The following LRFN5 variants were observed in gnomAD, a reference collection of about 807,000 sequenced individuals.
The protein encoded by LRFN5 is leucine-rich repeat and fibronectin type-III domain-containing protein 5.
In LRFN5, 24 loss-of-function variants were observed where a neutral mutation model predicts 45.6. The ratio of observed to expected loss-of-function variants is 0.53; its 90% CI spans 0.38 to 0.74. The LOEUF (loss-of-function observed/expected upper bound fraction) is 0.74, where lower values mean the gene tolerates loss of function less well. LRFN5 is among the 30% of genes least tolerant of loss of function. The probability of loss-of-function intolerance (pLI) is 0.00; values close to 1 mark genes in which losing one functional copy is unlikely to be tolerated. For synonymous variants in LRFN5, 340 were observed against 313.8 expected, an observed-to-expected ratio of 1.08 and a Z score of -0.88; for missense variants, 776 against 861.5, an observed-to-expected ratio of 0.90 and a Z score of 1.24.
chr14:41,880,114 A>T (rs1037740741), intron 2 of LRFN5, among the ~76,000 whole-genome samples: 2 of 151,026 alleles, frequency 1.3e-5, no homozygotes, highest in African/African-American at 4.9e-5. Context: ...TTTTTAGTAG[A>T]GATGGGGTTT....
In LRFN5 at chr14:41,760,378, G is replaced by T. The variant is rs149394807; in HGVS notation, c.-196-6476G>T. Among the ~76,000 whole-genome samples, 10 of 152,204 alleles carry T rather than the reference G, an allele frequency of 6.6e-5. No individual in the cohort carries two copies. In the East Asian group the frequency reaches 1.9e-3, roughly 29 times the overall value. On this transcript the variant is annotated intron_variant, in intron 1 of 5. Coordinates refer to ENST00000298119, the MANE Select transcript of LRFN5 (RefSeq NM_152447.5). ...GCTGTGATTACAGGCATGTGTCACT[G>T]TGCCTTGCTTCTATTATATCTAATT...
intron 5 of LRFN5, among the ~76,000 whole-genome samples, chr14:41,903,358 T>C (rs1555331196): frequency 6.6e-6 from 1 of 151,322 alleles, no homozygotes; most frequent in Non-Finnish European, 1.5e-5. Flanking sequence ...AATTCCCAAA[T>C]AAAAAATTGT....
chr14:41,615,032 C>T (rs1323405261), intron 1 of LRFN5, among the ~76,000 whole-genome samples: 1 of 152,012 alleles, frequency 6.6e-6, no homozygotes, highest in Non-Finnish European at 1.5e-5. Context: ...ATTTCTAATA[C>T]TCTGGAGAAT....
chr14:41,662,254 A>T (rs1306035246), intron 1 of LRFN5, among the ~76,000 whole-genome samples: 1 of 152,100 alleles, frequency 6.6e-6, no homozygotes, highest in Non-Finnish European at 1.5e-5. Context: ...GTAGTTAGTT[A>T]TTCATGACAT....
chr14:41,693,394 C>T (rs1882467109), intron 1 of LRFN5, among the ~76,000 whole-genome samples: 1 of 151,980 alleles, frequency 6.6e-6, no homozygotes, highest in Non-Finnish European at 1.5e-5. Flanking sequence ...ATTATGGGAC[C>T]TTTCATTGAC....
At chr14:41,790,666 T>C (rs917923619) in intron 2 of LRFN5, among the ~76,000 whole-genome samples, 1 of 151,672 alleles carries the variant, frequency 6.6e-6, no homozygotes, top group Non-Finnish European at 1.5e-5. Context: ...ATATTCTGAT[T>C]TATAAAAAAG....
chr14:41,648,743 G>A (rs750657665), intron 1 of LRFN5, among the ~76,000 whole-genome samples: 8 of 151,456 alleles, frequency 5.3e-5, no homozygotes, highest in South Asian at 2.1e-4. Flanking sequence ...CCTCCACTCC[G>A]CCCTCCCCTT....
intron 1 of LRFN5, among the ~76,000 whole-genome samples, chr14:41,694,836 C>T (rs1882534501): frequency 6.6e-6 from 1 of 151,822 alleles, no homozygotes; most frequent in African/African-American, 2.4e-5. Flanking sequence ...CATTCCCATA[C>T]AAGATAAGGC....
At chr14:41,612,406 T>G (rs1433768183) in intron 1 of LRFN5, among the ~76,000 whole-genome samples, 1 of 152,154 alleles carries the variant, frequency 6.6e-6, no homozygotes, top group East Asian at 1.9e-4. Context: ...TATTTTCTGT[T>G]TACTTAAAAA....
At chr14:41,751,631 G>C (rs1885136056) in intron 1 of LRFN5, among the ~76,000 whole-genome samples, 1 of 152,052 alleles carries the variant, frequency 6.6e-6, no homozygotes, top group Non-Finnish European at 1.5e-5. Flanking sequence ...AGGATGCAGA[G>C]AAGTCAGTTT....
chr14:41,820,780 A>G (rs760353029), intron 2 of LRFN5, among the ~76,000 whole-genome samples: 4 of 151,826 alleles, frequency 2.6e-5, no homozygotes, highest in Admixed American at 2.6e-4. Context: ...TGTTTGTATC[A>G]TCTACAATTT....
intron 2 of LRFN5, among the ~76,000 whole-genome samples, chr14:41,836,022 A>G (rs949967333): frequency 1.3e-5 from 2 of 152,048 alleles, no homozygotes; most frequent in African/African-American, 2.4e-5. Context: ...TCTCTTAAAG[A>G]GAGAAATCTC....
chr14:41,717,962 T>C (rs1051222685), intron 1 of LRFN5, among the ~76,000 whole-genome samples: 2 of 152,164 alleles, frequency 1.3e-5, no homozygotes, highest in Admixed American at 1.3e-4. Context: ...ATAAGTATGC[T>C]TCTCATTTTT....
intron 2 of LRFN5, among the ~76,000 whole-genome samples, chr14:41,776,762 G>A (rs1886307315): frequency 6.6e-6 from 1 of 151,958 alleles, no homozygotes; most frequent in Non-Finnish European, 1.5e-5. Context: ...GTGCTTTTTT[G>A]TGCCTTGTTT....
At chr14:41,701,964 A>C (rs557711676) in intron 1 of LRFN5, among the ~76,000 whole-genome samples, 2 of 152,270 alleles carry the variant, frequency 1.3e-5, no homozygotes, top group South Asian at 2.1e-4. Flanking sequence ...TATGAGGAGC[A>C]CTGGTAGGTA....
intron 1 of LRFN5, among the ~76,000 whole-genome samples, chr14:41,681,553 A>C (rs977847984): frequency 3.3e-5 from 5 of 152,038 alleles, no homozygotes; most frequent in African/African-American, 1.2e-4. Context: ...AATATCCATC[A>C]AATATAAGGG....
chr14:41,665,735 G>A (rs990720095), intron 1 of LRFN5, among the ~76,000 whole-genome samples: 1 of 151,926 alleles, frequency 6.6e-6, no homozygotes, highest in Non-Finnish European at 1.5e-5. Flanking sequence ...TCCATACGTA[G>A]AGGAAAACTG....
At chr14:41,843,540 T>G (rs540228546) in intron 2 of LRFN5, among the ~76,000 whole-genome samples, 1 of 152,256 alleles carries the variant, frequency 6.6e-6, no homozygotes, top group African/African-American at 2.4e-5. Context: ...TTCTAAAAAC[T>G]TTGTAGAAGC....
chr14:41,708,406 A>G (rs1883151669), intron 1 of LRFN5, among the ~76,000 whole-genome samples: 1 of 152,052 alleles, frequency 6.6e-6, no homozygotes, highest in African/African-American at 2.4e-5. Context: ...ATTCATTGCT[A>G]AAGATTAAGA....
Sources: gnomAD v4.1 joint callset for allele counts (sites outside exome capture counted in the v4.1 genomes callset) on GRCh38, gnomAD v4.1.1 for gene constraint, MANE v1.5 for transcripts, NCBI Gene and HGNC (gene_info 2026-07-23, HGNC 2026-07-21) for gene names.